The following CERS6 variants were observed in gnomAD, a reference collection of about 807,000 sequenced individuals.
The protein encoded by CERS6 is LAG1 homolog, ceramide synthase 6.
A neutral mutation model predicts 56.8 loss-of-function variants in CERS6; 26 were observed. The observed-to-expected ratio is 0.46, with a 90% CI of 0.34 to 0.63. The LOEUF (loss-of-function observed/expected upper bound fraction) is 0.63. Among genes scored for constraint, CERS6 ranks in the 30% least tolerant of loss-of-function variants. The pLI is 0.01. For synonymous variants in CERS6, 164 were observed against 173.3 expected, an observed-to-expected ratio of 0.95 and a Z score of 0.42; for missense variants, 415 against 467.5, an observed-to-expected ratio of 0.89 and a Z score of 1.04.
intron 2 of CERS6, among the ~76,000 whole-genome samples, chr2:168,559,338 C>G (rs995988177): frequency 1.3e-5 from 2 of 152,148 alleles, no homozygotes; most frequent in Non-Finnish European, 2.9e-5. Context: ...ACTGCTGTAA[C>G]AGAATACTAT....
At chr2:168,595,469 G>T (rs1343123878) in intron 3 of CERS6, among the ~76,000 whole-genome samples, 2 of 151,840 alleles carry the variant, frequency 1.3e-5, no homozygotes, top group Non-Finnish European at 2.9e-5. Flanking sequence ...GAAAGAAAAG[G>T]TATAAATACC....
intron 8 of CERS6, among the ~76,000 whole-genome samples, chr2:168,737,004 G>T (rs1002310737): frequency 2.0e-5 from 3 of 152,162 alleles, no homozygotes; most frequent in Non-Finnish European, 2.9e-5. Flanking sequence ...TGTGCTAAGG[G>T]GATCCGTTGG....
At chr2:168,740,222 A>G (rs1403467931) in intron 8 of CERS6, among the ~76,000 whole-genome samples, 2 of 152,246 alleles carry the variant, frequency 1.3e-5, no homozygotes, top group East Asian at 3.8e-4. Flanking sequence ...GTTACACAGC[A>G]GGTGAAAATA....
intron 8 of CERS6, among the ~76,000 whole-genome samples, chr2:168,737,288 G>C (rs1228703977): frequency 6.6e-6 from 1 of 152,220 alleles, no homozygotes; most frequent in Non-Finnish European, 1.5e-5. Flanking sequence ...CCTCCCAGGA[G>C]AGACTGAGCC....
chr2:168,500,524 G>A (rs375856232), intron 1 of CERS6, among the ~76,000 whole-genome samples: 1 of 152,160 alleles, frequency 6.6e-6, no homozygotes, highest in East Asian at 1.9e-4. Context: ...TCCTCTGGTG[G>A]CAACACTTTG....
chr2:168,631,573 T>C (rs1188250055), intron 4 of CERS6, among the ~76,000 whole-genome samples: 1 of 119,900 alleles, frequency 8.3e-6, no homozygotes, highest in African/African-American at 3.4e-5. Context: ...ATATTAAATA[T>C]AATATATATT....
chr2:168,767,251 G>T lies in CERS6; in HGVS notation c.1002+1503G>T, dbSNP rs1574231974. Among the ~76,000 whole-genome samples the T allele has an allele frequency of 4.6e-5, 7 of 152,330 alleles. 1 individual carries two copies. The South Asian group carries it at 1.4e-3, about 32-fold the overall frequency. Reference sequence around the variant, plus strand: ...GCCCTTGCGGCTCTCACCTGGGATAGTAAGATTCATCTTGACCATGAGTTA... The same window carrying T: ...GCCCTTGCGGCTCTCACCTGGGATATTAAGATTCATCTTGACCATGAGTTA... On this transcript the variant is annotated intron_variant, in intron 9 of 9. Transcript: ENST00000305747.
chr2:168,573,627 G>A lies in CERS6; in HGVS notation c.407+12305G>A, dbSNP rs548159186. On this transcript the variant is annotated intron_variant, in intron 3 of 9. Coordinates refer to ENST00000305747, the MANE Select transcript of CERS6 (RefSeq NM_203463.3). ...AGTGTTTATCATTGTTCTAGGTGCC[G>A]GGAGTCACTGAGATTGGAAATGCCT... Among the ~76,000 whole-genome samples the A allele has an allele frequency of 5.3e-5, 8 of 152,124 alleles. No homozygotes were observed. In the South Asian group the frequency reaches 6.2e-4, roughly 12 times the overall value.
At chr2:168,521,654 A>G (rs537579853) in intron 1 of CERS6, among the ~76,000 whole-genome samples, 1 of 152,188 alleles carries the variant, frequency 6.6e-6, no homozygotes, top group Non-Finnish European at 1.5e-5. Flanking sequence ...GTCAGAGGTG[A>G]AAGATGAGAA....
At chr2:168,735,765 C>A (rs1224124540) in intron 8 of CERS6, among the ~76,000 whole-genome samples, 5 of 150,652 alleles carry the variant, frequency 3.3e-5, no homozygotes, top group African/African-American at 4.9e-5. Context: ...ACCTGTAGTC[C>A]CTGCTACTTG....
rs560590774 is a variant in CERS6, at chr2:168,579,861, CT to C, written c.407+18540del. Among the ~76,000 whole-genome samples the C allele has an allele frequency of 5.3e-5, 8 of 152,264 alleles. No individual in the cohort carries two copies. The South Asian group carries it at 1.7e-3, about 32-fold the overall frequency. ...CTCTGCTTGCTGGGCTCGTTCCTGC[CT>C]CTTGGCCTTTGCGCTTGCTTTCCCA... is the stretch of plus-strand genomic sequence containing the variant. On this transcript the variant is annotated intron_variant, in intron 3 of 9. Coordinates refer to ENST00000305747, the MANE Select transcript of CERS6 (RefSeq NM_203463.3).
Position 168,561,242 on chromosome 2 carries a change from T to G in CERS6, c.327T>G (p.Asp109Glu). The change falls in exon 3 of 10, where the codon GAT becomes GAG. Residue 109 changes from aspartate (D) to glutamate (E), a missense_variant. Coordinates refer to ENST00000305747, the MANE Select transcript of CERS6 (RefSeq NM_203463.3). ...LEGLSKQLDWDVRSIQRWFRQ... is the reference protein window; with the variant it reads ...LEGLSKQLDWEVRSIQRWFRQ... ...GCCTCTCCAAGCAACTGGACTGGGATGTTCGAAGCATTCAGCGCTGGTTTC... is the reference window on the plus strand; with the variant it reads ...GCCTCTCCAAGCAACTGGACTGGGAGGTTCGAAGCATTCAGCGCTGGTTTC... 2 of 1,614,134 alleles carry G rather than the reference T, an allele frequency of 1.2e-6. No individual in the cohort carries two copies. The highest frequency in any genetic ancestry group is 1.7e-6 in the Non-Finnish European group (2 of 1,179,960).
At chr2:168,667,668 C>G (rs1385597590) in intron 4 of CERS6, among the ~76,000 whole-genome samples, 8 of 151,956 alleles carry the variant, frequency 5.3e-5, no homozygotes, top group Non-Finnish European at 1.2e-4. Flanking sequence ...ATCATTGATT[C>G]CTTTCTGTGT....
At chr2:168,738,623 C>T (rs902673474) in intron 8 of CERS6, among the ~76,000 whole-genome samples, 3 of 152,138 alleles carry the variant, frequency 2.0e-5, no homozygotes, top group South Asian at 4.1e-4. Flanking sequence ...TAAAATGGAA[C>T]ATTATAACTT....
At chr2:168,707,641 A>G (rs1483812299) in intron 6 of CERS6, among the ~76,000 whole-genome samples, 2 of 152,304 alleles carry the variant, frequency 1.3e-5, no homozygotes, top group East Asian at 1.9e-4. Flanking sequence ...GAAAAACCAA[A>G]TAATTCGTGG....
chr2:168,571,631 T>G (rs1380580216), intron 3 of CERS6, among the ~76,000 whole-genome samples: 3 of 152,178 alleles, frequency 2.0e-5, no homozygotes, highest in Non-Finnish European at 4.4e-5. Flanking sequence ...GAAACTTAAC[T>G]AAAAGCAATT....
At chr2:168,766,431 A>G (rs917527902) in intron 9 of CERS6, 2 of 1,210,142 alleles carry the variant, frequency 1.7e-6, no homozygotes, top group Non-Finnish European at 1.2e-6. Flanking sequence ...GTTTCCACGC[A>G]TATTGTTCTG....
chr2:168,716,619 T>C (rs1687232714), intron 7 of CERS6, among the ~76,000 whole-genome samples: 2 of 152,212 alleles, frequency 1.3e-5, no homozygotes, highest in South Asian at 4.1e-4. Context: ...TGTTATCTTA[T>C]GGCCTAGACG....
At chr2:168,670,208 T>A (rs190233422) in intron 4 of CERS6, among the ~76,000 whole-genome samples, 2 of 152,350 alleles carry the variant, frequency 1.3e-5, no homozygotes, top group East Asian at 3.9e-4. Context: ...ATCACACTAT[T>A]TTTTAAGCTG....
Sources: gnomAD v4.1 joint callset for allele counts (sites outside exome capture counted in the v4.1 genomes callset) on GRCh38, gnomAD v4.1.1 for gene constraint, MANE v1.5 for transcripts, NCBI Gene and HGNC (gene_info 2026-07-23, HGNC 2026-07-21) for gene names.